USH2A: variants seen among roughly 807,000 people sequenced by gnomAD.
The protein encoded by USH2A is Usher syndrome 2A (autosomal recessive, mild).
USH2A carries 443 observed loss-of-function variants against 538.9 expected under a neutral mutation model. The observed-to-expected ratio is 0.82, with a 90% CI of 0.76 to 0.89. USH2A has a LOEUF of 0.89. Among genes scored for constraint, USH2A ranks in the 40% least tolerant of loss-of-function variants. The probability of loss-of-function intolerance (pLI) is 0.00; values close to 1 mark genes in which losing one functional copy is unlikely to be tolerated. For synonymous variants in USH2A, 2,413 were observed against 2,273.5 expected (o/e 1.06, Z -1.75); for missense variants, 6,633 against 6,324.8 (o/e 1.05, Z -1.65).
In USH2A at chr1:215,813,904, C is replaced by T. The variant is rs764174431; in HGVS notation, c.9571G>A (p.Val3191Ile). The T allele has an allele frequency of 4.3e-6, 7 of 1,613,536 alleles. No homozygotes were observed. In the South Asian group the frequency reaches 6.6e-5, roughly 15 times the overall value. The change falls in exon 49 of 72, where the codon GTT (valine) becomes ATT (isoleucine). Residue 3191 changes from valine (V) to isoleucine (I), a missense_variant and splice_region_variant. By Grantham distance (29) the Val-to-Ile change is conservative. Transcript: ENST00000307340. ...TTATAGAGCACTCCGTTACAACAAA[C>T]CTGAAAGTTTGAAAACAGTTTTAAA... ...GHICYSSEAK[V>I]CCNGVLYNPK...
chr1:215,925,087 C>T (rs1003594392), intron 38 of USH2A, among the ~76,000 whole-genome samples: 1 of 152,070 alleles, frequency 6.6e-6, no homozygotes, highest in African/African-American at 2.4e-5. Flanking sequence ...ATTTATCCCT[C>T]TCTTTGGCTT....
intron 50 of USH2A, among the ~76,000 whole-genome samples, chr1:215,796,543 A>T (rs1662142252): frequency 6.6e-6 from 1 of 152,020 alleles, no homozygotes; most frequent in African/African-American, 2.4e-5. Flanking sequence ...TTAGTTGATG[A>T]GCGTCCTGTG....
chr1:215,715,288 T>C (rs1453070668), intron 61 of USH2A, among the ~76,000 whole-genome samples: 1 of 152,224 alleles, frequency 6.6e-6, no homozygotes, highest in Non-Finnish European at 1.5e-5. Context: ...AATTATACTT[T>C]TAATTGTTGA....
chr1:216,400,402 AG>A (rs2039286047), intron 3 of USH2A, among the ~76,000 whole-genome samples: 1 of 150,206 alleles, frequency 6.7e-6, no homozygotes, highest in Non-Finnish European at 1.5e-5. Context: ...AGAGATTAAA[AG>A]GAAAAAAAAA....
intron 21 of USH2A, among the ~76,000 whole-genome samples, chr1:216,139,038 T>C (rs1177537430): frequency 6.6e-6 from 1 of 152,156 alleles, no homozygotes; most frequent in Non-Finnish European, 1.5e-5. Flanking sequence ...TGGCCACCTT[T>C]GTCAGTGACA....
chr1:215,887,742 T>C (rs979443812), intron 41 of USH2A, among the ~76,000 whole-genome samples: 1 of 152,224 alleles, frequency 6.6e-6, no homozygotes, highest in African/African-American at 2.4e-5. Flanking sequence ...CAAATGTCCT[T>C]TGTTTTGTGC....
chr1:215,962,235 G>A (rs1028535124), intron 37 of USH2A, among the ~76,000 whole-genome samples: 5 of 151,892 alleles, frequency 3.3e-5, no homozygotes, highest in African/African-American at 1.2e-4. Context: ...TGGTCTCTAT[G>A]GAATGAAATT....
chr1:216,422,802 ATG>A (rs1247801420), intron 1 of USH2A, among the ~76,000 whole-genome samples: 5 of 151,270 alleles, frequency 3.3e-5, no homozygotes, highest in South Asian at 4.2e-4. Context: ...TATATAATAT[ATG>A]TGTGTGTTTT....
intron 47 of USH2A, among the ~76,000 whole-genome samples, chr1:215,832,053 T>C (rs1430659783): frequency 6.6e-6 from 1 of 151,908 alleles, no homozygotes; most frequent in Non-Finnish European, 1.5e-5. Flanking sequence ...TTGATTAAAT[T>C]AACCTATTTT....
chr1:216,279,195 A>T (rs2036725761), intron 11 of USH2A, among the ~76,000 whole-genome samples: 1 of 152,084 alleles, frequency 6.6e-6, no homozygotes, highest in Non-Finnish European at 1.5e-5. Context: ...TTACAACTAT[A>T]TTTTTGGTTT....
chr1:215,633,388 T>C (rs950621831), intron 70 of USH2A, among the ~76,000 whole-genome samples: 1 of 152,174 alleles, frequency 6.6e-6, no homozygotes, highest in Non-Finnish European at 1.5e-5. Context: ...CCACAAACCG[T>C]GGACCTCGGA....
chr1:216,389,170 T>C (rs2039055921), intron 3 of USH2A, among the ~76,000 whole-genome samples: 1 of 152,174 alleles, frequency 6.6e-6, no homozygotes, highest in South Asian at 2.1e-4. Context: ...TTTCCCACTT[T>C]ACCAATTCCC....
intron 3 of USH2A, among the ~76,000 whole-genome samples, chr1:216,416,663 T>C (rs1353341500): frequency 1.3e-5 from 2 of 152,174 alleles, no homozygotes; most frequent in African/African-American, 4.8e-5. Flanking sequence ...CTGATTTCAG[T>C]AGGCACTCTA....
chr1:215,701,248 T>A (rs955734882), intron 61 of USH2A, among the ~76,000 whole-genome samples: 14 of 152,172 alleles, frequency 9.2e-5, no homozygotes, highest in African/African-American at 3.1e-4. Flanking sequence ...TTAGAATAAG[T>A]GTGATGTGGT....
chr1:215,809,317 C>T (rs772672279), intron 49 of USH2A, among the ~76,000 whole-genome samples: 1 of 152,124 alleles, frequency 6.6e-6, no homozygotes, highest in Non-Finnish European at 1.5e-5. Context: ...ACATAGTATA[C>T]ACATCTACAT....
intron 21 of USH2A, among the ~76,000 whole-genome samples, chr1:216,169,450 A>G (rs1174685310): frequency 1.3e-5 from 2 of 152,134 alleles, no homozygotes; most frequent in Non-Finnish European, 2.9e-5. Context: ...ATGAATGGGG[A>G]AATAATGGTC....
rs113032966 is a variant in USH2A, at chr1:216,135,918, G to C, written c.4628-38705C>G. Among the ~76,000 whole-genome samples, 659 of 151,834 alleles carry C rather than the reference G, an allele frequency of 4.3e-3. 1 individual carries two copies. Among genetic ancestry groups the C allele is most frequent in the African/African-American group, 0.015 (633 of 41,440 alleles). On this transcript the variant is annotated intron_variant, in intron 21 of 71. Transcript: ENST00000307340. ...AGTTTCTGTCAAAGCTTCCATTAAC[G>C]GTTAGCTTTAGTATATTCATTAAAA...
intron 22 of USH2A, among the ~76,000 whole-genome samples, chr1:216,093,206 A>G (rs996569785): frequency 6.6e-6 from 1 of 151,152 alleles, no homozygotes; most frequent in Admixed American, 6.6e-5. Flanking sequence ...CTTGTGATCC[A>G]CCCGCCTCAG....
chr1:216,120,268 C>A (rs1361327190), intron 21 of USH2A, among the ~76,000 whole-genome samples: 5 of 141,980 alleles, frequency 3.5e-5, no homozygotes, highest in African/African-American at 1.3e-4. Flanking sequence ...GGCACTGTGG[C>A]TCACGCCTGT....
Sources: gnomAD v4.1 joint callset for allele counts (sites outside exome capture counted in the v4.1 genomes callset) on GRCh38, gnomAD v4.1.1 for gene constraint, MANE v1.5 for transcripts, NCBI Gene and HGNC (gene_info 2026-07-23, HGNC 2026-07-21) for gene names.